VPS13B: variants seen among roughly 807,000 people sequenced by gnomAD.
VPS13B encodes vacuolar protein sorting 13 homolog B.
Under a neutral mutation model 426.4 loss-of-function variants are expected in VPS13B, and 285 were observed. The ratio of observed to expected loss-of-function variants is 0.67; its 90% CI spans 0.61 to 0.74. The LOEUF (loss-of-function observed/expected upper bound fraction) is 0.74, where lower values mean the gene tolerates loss of function less well. Ranked by LOEUF, VPS13B falls within the 30% of genes least tolerant of loss-of-function variation. The probability of loss-of-function intolerance (pLI) is 0.00; values close to 1 mark genes in which losing one functional copy is unlikely to be tolerated. For synonymous variants in VPS13B, 1,676 were observed against 1,676.4 expected (o/e 1.00, Z 0.01); for missense variants, 4,537 against 4,782.6 (o/e 0.95, Z 1.51).
At chr8:99,725,134 T>G (rs952605447) in intron 39 of VPS13B, among the ~76,000 whole-genome samples, 1 of 152,254 alleles carries the variant, frequency 6.6e-6, no homozygotes, top group African/African-American at 2.4e-5. Context: ...CTCTGAAATC[T>G]TGTAGCACTT....
chr8:99,818,677 A>T (rs200086820), intron 46 of VPS13B, 36 bp from the exon 47 acceptor site: 154 of 1,612,592 alleles, frequency 9.5e-5, no homozygotes, highest in Non-Finnish European at 1.3e-4. Context: ...GCAACAAAGC[A>T]AATATGAAAG....
chr8:99,516,586 T>C (rs771965918), intron 29 of VPS13B, among the ~76,000 whole-genome samples: 1 of 151,698 alleles, frequency 6.6e-6, no homozygotes, highest in Admixed American at 6.6e-5. Flanking sequence ...CCTAGGAGTT[T>C]GAGACTAGCC....
In VPS13B at chr8:99,156,721, G is replaced by A. The variant is rs1358326016; in HGVS notation, c.2186G>A (p.Cys729Tyr). ...CCTTCTGATAACCTGCTTCATTATTGTTATGTACACTGCTATCTTAAGGTA... is the reference window on the plus strand; with the variant it reads ...CCTTCTGATAACCTGCTTCATTATTATTATGTACACTGCTATCTTAAGGTA... Reference protein sequence around the residue: ...TQPSDNLLHYCYVHCYLKIFG... With the variant: ...TQPSDNLLHYYYVHCYLKIFG... Residue 729 changes from cysteine to tyrosine, a missense_variant, in exon 15 of 62, where the codon TGT becomes TAT. Transcript: ENST00000357162. 6.2e-7 allele frequency: 1 copy of A among 1,613,846 alleles called. No individual in the cohort carries two copies. The highest frequency in any genetic ancestry group is 1.3e-5 in the African/African-American group (1 of 74,912).
At chr8:99,867,607 G>A (rs962966206) in intron 58 of VPS13B, among the ~76,000 whole-genome samples, 12 of 152,150 alleles carry the variant, frequency 7.9e-5, no homozygotes, top group African/African-American at 2.9e-4. Context: ...TAACAGCTGT[G>A]TGACCTTGGG....
chr8:99,441,325 T>G (rs571981005), intron 22 of VPS13B, among the ~76,000 whole-genome samples: 48 of 152,236 alleles, frequency 3.2e-4, no homozygotes, highest in Non-Finnish European at 6.3e-4. Context: ...CTCACCAGAA[T>G]AGTATATTAG....
intron 42 of VPS13B, among the ~76,000 whole-genome samples, chr8:99,783,715 A>G (rs1812127297): frequency 1.3e-5 from 2 of 152,196 alleles, no homozygotes; most frequent in Non-Finnish European, 2.9e-5. Flanking sequence ...CTTGGCTTAC[A>G]CTGACTCTGG....
Position 99,816,963 on chromosome 8 carries a change from T to G in VPS13B, c.8098-577T>G, listed in dbSNP as rs531193228. Among the ~76,000 whole-genome samples, 4 of 152,240 alleles carry G rather than the reference T, an allele frequency of 2.6e-5. No individual in the cohort carries two copies. The East Asian group carries it at 7.7e-4, about 29-fold the overall frequency. On this transcript the variant is annotated intron_variant, in intron 44 of 61. Transcript: ENST00000357162. Reference sequence around the variant, plus strand: ...GAATAGATTGATCACAATTGCCCTCTCAGTTACCAGAGCTAAATGATTTTC... The same window carrying G: ...GAATAGATTGATCACAATTGCCCTCGCAGTTACCAGAGCTAAATGATTTTC...
chr8:99,178,117 A>G (rs1050834756), intron 16 of VPS13B, among the ~76,000 whole-genome samples: 2 of 150,882 alleles, frequency 1.3e-5, no homozygotes, highest in African/African-American at 4.9e-5. Context: ...TTTTTTTCTT[A>G]ACTGTGTTTT....
At chr8:99,165,436 C>G (rs1428248417) in intron 15 of VPS13B, among the ~76,000 whole-genome samples, 1 of 152,094 alleles carries the variant, frequency 6.6e-6, no homozygotes, top group African/African-American at 2.4e-5. Context: ...CTAAGAGTTT[C>G]AAGGCATCTG....
chr8:99,507,995 C>T, intron 28 of VPS13B: 1 of 1,590,674 alleles, frequency 6.3e-7, no homozygotes, highest in Admixed American at 1.7e-5. Context: ...AGAGTCAACT[C>T]TTGATTTGTG....
chr8:99,831,187 C>T (rs1419309908), intron 51 of VPS13B, among the ~76,000 whole-genome samples: 1 of 151,206 alleles, frequency 6.6e-6, no homozygotes, highest in Non-Finnish European at 1.5e-5. Flanking sequence ...ATTCTCCTGC[C>T]TCAGCCTTCT....
chr8:99,841,803 G>A (rs1378959612), intron 54 of VPS13B, among the ~76,000 whole-genome samples: 1 of 152,092 alleles, frequency 6.6e-6, no homozygotes, highest in Non-Finnish European at 1.5e-5. Context: ...CAGGCCTTTG[G>A]TTCATCATCT....
chr8:99,279,626 G>T (rs1005198834), intron 19 of VPS13B, among the ~76,000 whole-genome samples: 2 of 152,036 alleles, frequency 1.3e-5, no homozygotes, highest in Non-Finnish European at 2.9e-5. Flanking sequence ...ATTCATAGCA[G>T]GTTCTGCTTG....
rs1844138604 is a variant in VPS13B, at chr8:99,060,730, C to A, written c.291+22164C>A. 1.3e-5 allele frequency among the ~76,000 whole-genome samples: 2 copies of A among 151,684 alleles called. 1 individual carries two copies. Among genetic ancestry groups the A allele is most frequent in the South Asian group, 4.2e-4 (2 of 4,818 alleles). On this transcript the variant is annotated intron_variant, in intron 3 of 61. Coordinates refer to ENST00000357162, the MANE Select transcript of VPS13B (RefSeq NM_152564.5). ...AAGTGGATTTTTTAGTTCAATAATACTTTTTTTTAACTTATTGAGGATGTT... is the reference window on the plus strand; with the variant it reads ...AAGTGGATTTTTTAGTTCAATAATAATTTTTTTTAACTTATTGAGGATGTT...
intron 34 of VPS13B, among the ~76,000 whole-genome samples, chr8:99,655,574 G>A (rs965965731): frequency 6.6e-6 from 1 of 152,132 alleles, no homozygotes; most frequent in African/African-American, 2.4e-5. Context: ...GGCCCGGTTA[G>A]TGATTTGAAG....
At chr8:99,051,939 A>G (rs550262114) in intron 3 of VPS13B, among the ~76,000 whole-genome samples, 2 of 152,264 alleles carry the variant, frequency 1.3e-5, no homozygotes, top group South Asian at 2.1e-4. Flanking sequence ...GGATGAGATG[A>G]TGGGGTTTTC....
intron 35 of VPS13B, among the ~76,000 whole-genome samples, chr8:99,691,450 T>C (rs1831659347): frequency 6.6e-6 from 1 of 151,722 alleles, no homozygotes; most frequent in East Asian, 1.9e-4. Context: ...TTTAAAAACA[T>C]GGGGAGAAAG....
chr8:99,443,437 C>G (rs183039596), intron 23 of VPS13B, among the ~76,000 whole-genome samples: 50 of 152,154 alleles, frequency 3.3e-4, no homozygotes, highest in Non-Finnish European at 6.2e-4. Context: ...TTTCTCTATA[C>G]TGAAATTTCT....
At chr8:99,230,181 T>G (rs1816247246) in intron 17 of VPS13B, among the ~76,000 whole-genome samples, 1 of 152,236 alleles carries the variant, frequency 6.6e-6, no homozygotes, top group Non-Finnish European at 1.5e-5. Context: ...TGGGGTTTTT[T>G]TTGCCTATTC....
Sources: gnomAD v4.1 joint callset for allele counts (sites outside exome capture counted in the v4.1 genomes callset) on GRCh38, gnomAD v4.1.1 for gene constraint, MANE v1.5 for transcripts, NCBI Gene and HGNC (gene_info 2026-07-23, HGNC 2026-07-21) for gene names.